Variants in IL1R1 observed in about 807,000 individuals in gnomAD.
IL1R1 encodes interleukin-1 receptor type 1.
IL1R1 carries 22 observed loss-of-function variants against 50.2 expected under a neutral mutation model. That is an observed-to-expected ratio of 0.44 (90% CI 0.31 to 0.63). The LOEUF is 0.63. IL1R1 is among the 20% of genes least tolerant of loss of function. The pLI is 0.07. For synonymous variants in IL1R1, 251 were observed against 236.7 expected (o/e 1.06, Z -0.55); for missense variants, 509 against 676.2 (o/e 0.75, Z 2.74).
chr2:102,103,803 G>A (rs567824214), upstream of IL1R1, among the ~76,000 whole-genome samples: 25 of 152,120 alleles, frequency 1.6e-4, no homozygotes, highest in African/African-American at 5.8e-4. Context: ...AGACCAGCCT[G>A]ACCATCATGG....
At chr2:102,105,121 T>C (rs1264056941) in intron 1 of IL1R1, among the ~76,000 whole-genome samples, 1 of 152,220 alleles carries the variant, frequency 6.6e-6, no homozygotes, top group Non-Finnish European at 1.5e-5. Context: ...CTATGGAAGA[T>C]TAACTATGAA....
rs17766555 is a variant in IL1R1, at chr2:102,071,397, G to A, written c.-84+864G>A. On this transcript the variant is annotated intron_variant, in intron 1 of 11. Coordinates refer to the IL1R1 transcript ENST00000409929. Reference sequence around the variant, plus strand: ...CATCTATTTGTGGCACTGTATATAGGGCATACTTTCTTGAAAAATCCATTG... The same window carrying A: ...CATCTATTTGTGGCACTGTATATAGAGCATACTTTCTTGAAAAATCCATTG... Among the ~76,000 whole-genome samples the A allele has an allele frequency of 8.4e-3, 1,270 of 152,016 alleles. 51 individuals are homozygous for A. The South Asian group carries it at 0.13, about 15-fold the overall frequency.
intron 1 of IL1R1, among the ~76,000 whole-genome samples, chr2:102,123,694 C>G (rs1681528739): frequency 6.6e-6 from 1 of 152,044 alleles, no homozygotes; most frequent in Admixed American, 6.5e-5. Context: ...AGGAGAATCT[C>G]TTGAGCCCTA....
At chr2:102,156,704 A>T (rs1052897895) in intron 2 of IL1R1, among the ~76,000 whole-genome samples, 1 of 151,892 alleles carries the variant, frequency 6.6e-6, no homozygotes, top group African/African-American at 2.4e-5. Context: ...GTAGAGATGG[A>T]GTTTCATCAT....
intron 1 of IL1R1, among the ~76,000 whole-genome samples, chr2:102,118,028 G>A (rs192488240): frequency 1.8e-4 from 28 of 151,998 alleles, no homozygotes; most frequent in Admixed American, 1.8e-3. Flanking sequence ...CTCTGGCCCT[G>A]ATTCCCAGCA....
chr2:102,072,815 A>C (rs1431859073), intron 1 of IL1R1, among the ~76,000 whole-genome samples: 1 of 151,924 alleles, frequency 6.6e-6, no homozygotes, highest in Non-Finnish European at 1.5e-5. Context: ...GCTTTTTTGT[A>C]GGTGAAACTA....
chr2:102,076,478 C>A (rs570052841), intron 1 of IL1R1, among the ~76,000 whole-genome samples: 1 of 152,300 alleles, frequency 6.6e-6, no homozygotes, highest in South Asian at 2.1e-4. Flanking sequence ...CTTCCTTCAA[C>A]ATTTCTTATA....
intron 1 of IL1R1, among the ~76,000 whole-genome samples, chr2:102,108,272 C>CTTCTTGGT (rs1680537216): frequency 1.3e-5 from 2 of 151,426 alleles, no homozygotes; most frequent in Non-Finnish European, 2.9e-5. Flanking sequence ...TATTTCTATG[C>CTTCTTGGT]TTCTTGGTTC....
chr2:102,073,794 C>T (rs991411487), intron 1 of IL1R1, among the ~76,000 whole-genome samples: 4 of 152,162 alleles, frequency 2.6e-5, no homozygotes, highest in South Asian at 4.1e-4. Context: ...AATCTCTAAG[C>T]TCAAAGAAGA....
chr2:102,147,845 C>T (rs1362719936), intron 1 of IL1R1, among the ~76,000 whole-genome samples: 1 of 152,200 alleles, frequency 6.6e-6, no homozygotes, highest in Non-Finnish European at 1.5e-5. Context: ...ACACTTGAAA[C>T]CTCTTGGGAA....
intron 1 of IL1R1, among the ~76,000 whole-genome samples, chr2:102,097,600 A>G (rs1168478989): frequency 1.3e-5 from 2 of 152,162 alleles, no homozygotes; most frequent in South Asian, 2.1e-4. Flanking sequence ...ATAAGAGAAT[A>G]CCAAGAGTGA....
chr2:102,152,322 G>A (rs1203408728), intron 1 of IL1R1, among the ~76,000 whole-genome samples: 2 of 151,132 alleles, frequency 1.3e-5, no homozygotes, highest in East Asian at 2.0e-4. Context: ...TGGCTAACAC[G>A]GTGAAACCCC....
intron 1 of IL1R1, among the ~76,000 whole-genome samples, chr2:102,125,839 T>C (rs775282304): frequency 1.3e-5 from 2 of 152,206 alleles, no homozygotes; most frequent in Admixed American, 6.5e-5. Context: ...TTGTGATGCC[T>C]GGGATGCAAT....
At chr2:102,111,385 T>C (rs956771582) in intron 1 of IL1R1, among the ~76,000 whole-genome samples, 45 of 152,236 alleles carry the variant, frequency 3.0e-4, no homozygotes, top group Non-Finnish European at 4.0e-4. Context: ...TGGCCAACCT[T>C]GTCCTCCGTG....
upstream of IL1R1, among the ~76,000 whole-genome samples, chr2:102,140,287 C>A (rs147219580): frequency 3.4e-3 from 524 of 152,284 alleles, 3 homozygotes; most frequent in African/African-American, 0.012. Flanking sequence ...ATTTTTCAGG[C>A]ATTGGATTAT....
intron 7 of IL1R1, 33 bp downstream of exon 7, chr2:102,168,696 C>G: frequency 2.2e-6 from 3 of 1,380,266 alleles, no homozygotes; most frequent in African/African-American, 1.5e-5. Flanking sequence ...ATGCTGGAAT[C>G]GGTTTTTTTT....
chr2:102,108,509 G>T (rs182296612), intron 1 of IL1R1, among the ~76,000 whole-genome samples: 2 of 152,200 alleles, frequency 1.3e-5, no homozygotes, highest in Admixed American at 1.3e-4. Flanking sequence ...TCCAGGGCCT[G>T]CTTTGGGGTC....
chr2:102,109,493 G>A (rs1306683420), intron 1 of IL1R1, among the ~76,000 whole-genome samples: 1 of 152,146 alleles, frequency 6.6e-6, no homozygotes, highest in Non-Finnish European at 1.5e-5. Context: ...GAGTCCATGT[G>A]CCACACTGGC....
intron 1 of IL1R1, among the ~76,000 whole-genome samples, chr2:102,076,960 A>C (rs1417363453): frequency 6.6e-6 from 1 of 152,156 alleles, no homozygotes; most frequent in Non-Finnish European, 1.5e-5. Flanking sequence ...TTGTTCTACA[A>C]TTCATTAATG....
Sources: allele counts gnomAD v4.1 joint callset (sites outside exome capture counted in the v4.1 genomes callset), GRCh38; gene constraint gnomAD v4.1.1; transcripts MANE v1.5; gene names NCBI Gene and HGNC (gene_info 2026-07-23, HGNC 2026-07-21).